FSTL5: variants seen among roughly 807,000 people sequenced by gnomAD.
FSTL5 encodes the protein follistatin like 5, also known as follistatin-related protein 5.
A neutral mutation model predicts 89.1 loss-of-function variants in FSTL5; 62 were observed. The observed-to-expected ratio is 0.70, with a 90% CI of 0.57 to 0.86. FSTL5 has a LOEUF of 0.86. Among genes scored for constraint, FSTL5 ranks in the 40% least tolerant of loss-of-function variants. The pLI is 0.00. For missense variants in FSTL5, 1,057 were observed against 1,001.6 expected (o/e 1.06, Z -0.75); for synonymous variants, 383 against 346.2 (o/e 1.11, Z -1.18).
intron 2 of FSTL5, among the ~76,000 whole-genome samples, chr4:162,060,312 C>CG (rs1738679959): frequency 6.6e-6 from 1 of 152,004 alleles, no homozygotes; most frequent in Non-Finnish European, 1.5e-5. Context: ...GTCGGTGAAA[C>CG]TAAAGCCAAC....
intron 3 of FSTL5, among the ~76,000 whole-genome samples, chr4:161,996,539 C>A (rs879621440): frequency 6.6e-6 from 1 of 152,224 alleles, no homozygotes; most frequent in Non-Finnish European, 1.5e-5. Context: ...TTGTCTCCTT[C>A]ATTCAATCCA....
intron 6 of FSTL5, among the ~76,000 whole-genome samples, chr4:161,661,865 C>T (rs894163603): frequency 6.6e-6 from 1 of 152,110 alleles, no homozygotes; most frequent in East Asian, 1.9e-4. Flanking sequence ...CAAACAAACA[C>T]ATAAACAGCA....
chr4:162,030,752 C>T (rs1737490343), intron 3 of FSTL5, among the ~76,000 whole-genome samples: 1 of 152,184 alleles, frequency 6.6e-6, no homozygotes, highest in African/African-American at 2.4e-5. Flanking sequence ...AGTTGGCAGA[C>T]TCTGTAAGTT....
intron 4 of FSTL5, among the ~76,000 whole-genome samples, chr4:161,887,902 C>A (rs117334325): frequency 6.6e-6 from 1 of 152,142 alleles, no homozygotes; most frequent in Non-Finnish European, 1.5e-5. Flanking sequence ...AATCAGGATT[C>A]ATCTAGTCCC....
intron 1 of FSTL5, among the ~76,000 whole-genome samples, chr4:162,151,394 T>C (rs1186140136): frequency 1.3e-5 from 2 of 152,182 alleles, no homozygotes; most frequent in African/African-American, 4.8e-5. Flanking sequence ...TAACAGTTTC[T>C]GAAGACTGAT....
chr4:161,667,493 CATT>C (rs1736942396), intron 6 of FSTL5, among the ~76,000 whole-genome samples: 2 of 151,890 alleles, frequency 1.3e-5, no homozygotes, highest in South Asian at 4.1e-4. Context: ...TTGTAGGTAA[CATT>C]ATAATGTTGG....
intron 8 of FSTL5, among the ~76,000 whole-genome samples, chr4:161,561,797 T>C (rs1732611626): frequency 6.6e-6 from 1 of 151,954 alleles, no homozygotes; most frequent in African/African-American, 2.4e-5. Flanking sequence ...TTAGGGTGGG[T>C]CATATTTAAT....
intron 6 of FSTL5, among the ~76,000 whole-genome samples, chr4:161,729,515 T>C (rs1385087881): frequency 6.6e-6 from 1 of 152,178 alleles, no homozygotes; most frequent in Non-Finnish European, 1.5e-5. Context: ...TTAAAAAAGA[T>C]GGTAATTACC....
At chr4:161,647,930 C>T (rs1161755921) in intron 7 of FSTL5, among the ~76,000 whole-genome samples, 1 of 152,134 alleles carries the variant, frequency 6.6e-6, no homozygotes, top group African/African-American at 2.4e-5. Context: ...GAGGAACACA[C>T]TGACAGGCAC....
At chr4:162,014,905 T>C (rs957629107) in intron 3 of FSTL5, among the ~76,000 whole-genome samples, 23 of 152,184 alleles carry the variant, frequency 1.5e-4, no homozygotes, top group African/African-American at 5.3e-4. Flanking sequence ...ATAAGTTCTT[T>C]TCCATTATTG....
At chr4:162,077,552 C>T (rs928075317) in intron 2 of FSTL5, among the ~76,000 whole-genome samples, 1 of 151,772 alleles carries the variant, frequency 6.6e-6, no homozygotes, top group African/African-American at 2.4e-5. Context: ...GGGGAAAATA[C>T]AAATCCTGAC....
intron 4 of FSTL5, among the ~76,000 whole-genome samples, chr4:161,872,889 G>A (rs1252221012): frequency 6.6e-6 from 1 of 152,052 alleles, no homozygotes; most frequent in East Asian, 1.9e-4. Context: ...CTGTTTTATT[G>A]ACTGAAATAA....
chr4:161,466,180 T>A (rs1046346642), intron 13 of FSTL5, among the ~76,000 whole-genome samples: 2 of 152,224 alleles, frequency 1.3e-5, no homozygotes, highest in African/African-American at 4.8e-5. Flanking sequence ...TGTTGAAGGA[T>A]ACTCAATTTA....
intron 4 of FSTL5, among the ~76,000 whole-genome samples, chr4:161,779,759 TTATATATATATATATGTA>T (rs1741555440): frequency 3.2e-5 from 1 of 31,184 alleles, no homozygotes. Flanking sequence ...ATTTGTAAAG[TTATATATATATATATGTA>T]TATATATATA....
At chr4:162,088,089 AC>A (rs1278151152) in intron 2 of FSTL5, among the ~76,000 whole-genome samples, 2 of 151,854 alleles carry the variant, frequency 1.3e-5, no homozygotes, top group Non-Finnish European at 2.9e-5. Context: ...TTTTTCTTCC[AC>A]CCCCATTTTT....
chr4:161,679,419 G>GA (rs1560785711), intron 6 of FSTL5, among the ~76,000 whole-genome samples: 3 of 151,170 alleles, frequency 2.0e-5, no homozygotes, highest in South Asian at 2.1e-4. Flanking sequence ...TCTGAAGCAG[G>GA]AAAAAAAAGT....
intron 5 of FSTL5, among the ~76,000 whole-genome samples, chr4:161,761,450 T>C (rs914622993): frequency 2.0e-5 from 3 of 152,216 alleles, no homozygotes; most frequent in African/African-American, 7.2e-5. Flanking sequence ...ATATTTAGGA[T>C]GCAGTGATAC....
intron 3 of FSTL5, among the ~76,000 whole-genome samples, chr4:162,030,655 A>C (rs1737487061): frequency 6.6e-6 from 1 of 152,156 alleles, no homozygotes; most frequent in African/African-American, 2.4e-5. Context: ...GCAAGAGTGC[A>C]AGAGCACAGG....
chr4:161,716,152 C>T (rs1483568077), intron 6 of FSTL5, among the ~76,000 whole-genome samples: 1 of 152,046 alleles, frequency 6.6e-6, no homozygotes, highest in African/African-American at 2.4e-5. Context: ...GGAAATAGAC[C>T]CTGCCATAGG....
Sources: allele counts gnomAD v4.1 joint callset (sites outside exome capture counted in the v4.1 genomes callset), GRCh38; gene constraint gnomAD v4.1.1; transcripts MANE v1.5; gene names NCBI Gene and HGNC (gene_info 2026-07-23, HGNC 2026-07-21).